The following PLIN2 variants were observed in gnomAD, a reference collection of about 807,000 sequenced individuals.
PLIN2 encodes the protein perilipin 2, also known as perilipin-2.
A neutral mutation model predicts 30.6 loss-of-function variants in PLIN2; 33 were observed. That is an observed-to-expected ratio of 1.08 (90% CI 0.82 to 1.44). The LOEUF (loss-of-function observed/expected upper bound fraction) is 1.44. Among genes scored for constraint, PLIN2 ranks in the 40% most tolerant of loss-of-function variants. The probability of loss-of-function intolerance (pLI) is 0.00; values close to 1 mark genes in which losing one functional copy is unlikely to be tolerated. For synonymous variants in PLIN2, 205 were observed against 201.1 expected (o/e 1.02, Z -0.16); for missense variants, 610 against 531.8 (o/e 1.15, Z -1.45).
Position 19,121,980 on chromosome 9 carries a change from G to A in PLIN2, c.310-815C>T, listed in dbSNP as rs112469875. Among the ~76,000 whole-genome samples, 264 of 151,510 alleles carry A rather than the reference G, an allele frequency of 1.7e-3. 1 individual carries two copies. Among genetic ancestry groups the A allele is most frequent in the African/African-American group, 6.0e-3 (247 of 41,324 alleles). On this transcript the variant is annotated intron_variant, in intron 4 of 7. Coordinates refer to ENST00000276914, the MANE Select transcript of PLIN2 (RefSeq NM_001122.4). ...AAAAATTAGCTGGGTGTGGCGGGGC[G>A]TGCCTGTGAACCCAGCTACTGGGGA...
chr9:19,112,705 C>CA (rs34857189), downstream of PLIN2, among the ~76,000 whole-genome samples: 1,230 of 68,096 alleles, frequency 0.018, 21 homozygotes, highest in African/African-American at 0.041. Flanking sequence ...GAGCCCATCT[C>CA]AAAAAAAAAA....
At chr9:19,110,969 T>A (rs1175208965), downstream of PLIN2, among the ~76,000 whole-genome samples, 1 of 152,160 alleles carries the variant, frequency 6.6e-6, no homozygotes. Context: ...GAGAAGAATC[T>A]CAGGCAATTC....
In PLIN2 at chr9:19,121,025, C is replaced by G; in HGVS notation, c.450G>C (p.Glu150Asp). 1 of 1,614,200 alleles carries G rather than the reference C, an allele frequency of 6.2e-7. No homozygotes were observed. Among genetic ancestry groups the G allele is most frequent in the African/African-American group, 1.3e-5 (1 of 75,054 alleles). ...KTKGAVTGSV[E>D]KTKSVVSGSI... Reference sequence around the variant, plus strand: ...TGCCACTGACCACAGACTTGGTCTTCTCCACACTGCCAGTCACTGCCCCTT... The same window carrying G: ...TGCCACTGACCACAGACTTGGTCTTGTCCACACTGCCAGTCACTGCCCCTT... The change falls in exon 5 of 8, where the codon GAG (glutamate) becomes GAC (aspartate). Residue 150 changes from glutamate (E) to aspartate (D), a missense_variant. Physicochemically the swap from Glu to Asp is conservative, Grantham distance 45. Coordinates refer to ENST00000276914, the MANE Select transcript of PLIN2 (RefSeq NM_001122.4).
chr9:19,111,956 C>T (rs951347373), downstream of PLIN2, among the ~76,000 whole-genome samples: 2 of 152,076 alleles, frequency 1.3e-5, no homozygotes, highest in Non-Finnish European at 2.9e-5. Flanking sequence ...TTTTCCTAAC[C>T]ATGAGCTGGT....
At chr9:19,123,749 G>A (rs568562422) in intron 3 of PLIN2, 102 bp from the exon 4 acceptor site, 19 of 918,076 alleles carry the variant, frequency 2.1e-5, no homozygotes, top group African/African-American at 1.3e-4. Flanking sequence ...GGCTGGGCAC[G>A]GTGGCTCACG....
In PLIN2 at chr9:19,116,172, G is replaced by T; in HGVS notation, c.*76C>A. ...GCTACTTGCTTCCCAATTTAGGGTT[G>T]CCTAGCAAGTTAATTTCAACATAAC... On this transcript the variant is annotated 3_prime_UTR_variant, in exon 8 of 8. Coordinates refer to ENST00000276914, the MANE Select transcript of PLIN2 (RefSeq NM_001122.4). 3.6e-6 allele frequency: 5 copies of T among 1,402,152 alleles called. No homozygotes were observed. Among genetic ancestry groups the T allele is most frequent in the Non-Finnish European group, 3.8e-6 (4 of 1,041,010 alleles). The allele number at this position is 1,402,152 out of a possible 1,614,324, so 86.9% of individuals were successfully genotyped here. A position where few individuals can be genotyped will look rare whatever the true frequency, so the allele number is the denominator to read the frequency against.
At chr9:19,119,900 A>G (rs895432010) in intron 5 of PLIN2, 69 bp from the exon 6 acceptor site, 7 of 1,012,838 alleles carry the variant, frequency 6.9e-6, no homozygotes, top group Admixed American at 2.3e-5. Flanking sequence ...CCTGGACTCT[A>G]ACCTGGGTCT....
At chr9:19,124,133 A>G (rs1818361976) in intron 3 of PLIN2, among the ~76,000 whole-genome samples, 1 of 151,930 alleles carries the variant, frequency 6.6e-6, no homozygotes, top group Non-Finnish European at 1.5e-5. Flanking sequence ...TTCTAAAGGT[A>G]AGGAAATATG....
At chr9:19,115,201 T>A (rs1818203373), downstream of PLIN2, among the ~76,000 whole-genome samples, 1 of 152,228 alleles carries the variant, frequency 6.6e-6, no homozygotes, top group Non-Finnish European at 1.5e-5. Flanking sequence ...GAGGGCCAAC[T>A]GTCACCTAGT....
chr9:19,110,201 A>AT (rs1386234480), intron 2 of PLIN2, among the ~76,000 whole-genome samples: 1 of 151,256 alleles, frequency 6.6e-6, no homozygotes, highest in Non-Finnish European at 1.5e-5. Flanking sequence ...TAATTTTTGT[A>AT]TTTTTTAGTA....
chr9:19,120,051 C>G (rs532054315), intron 5 of PLIN2, among the ~76,000 whole-genome samples: 8 of 152,076 alleles, frequency 5.3e-5, no homozygotes, highest in Admixed American at 3.3e-4. Flanking sequence ...GTTTCTCCCA[C>G]TAGAGTAAAC....
intron 2 of PLIN2, among the ~76,000 whole-genome samples, chr9:19,109,837 T>A (rs1388430529): frequency 6.7e-6 from 1 of 149,780 alleles, no homozygotes; most frequent in Non-Finnish European, 1.5e-5. Flanking sequence ...ATGACTGTAA[T>A]CCCAGCTACT....
At chr9:19,112,816 G>T (rs1433260150), downstream of PLIN2, among the ~76,000 whole-genome samples, 1 of 151,820 alleles carries the variant, frequency 6.6e-6, no homozygotes, top group East Asian at 1.9e-4. Context: ...GCAAAACCAT[G>T]ACCAATGTGC....
chr9:19,126,113 C>T lies in PLIN2; in HGVS notation c.226+1G>A, dbSNP rs1318873989. ...TTGCATCTTGAAAAATCAGAACTCA[C>T]TTTGCGGCTCTAGCTTCTGGATGAT... On this transcript the variant is annotated splice_donor_variant, in intron 3 of 7. Coordinates refer to ENST00000276914, the MANE Select transcript of PLIN2 (RefSeq NM_001122.4). LOFTEE classifies it high-confidence loss of function. 6.2e-7 allele frequency: 1 copy of T among 1,612,908 alleles called. No homozygotes were observed. Among genetic ancestry groups the T allele is most frequent in the Non-Finnish European group, 8.5e-7 (1 of 1,179,092 alleles).
At chr9:19,120,443 G>C (rs2131180541) in intron 5 of PLIN2, among the ~76,000 whole-genome samples, 1 of 152,204 alleles carries the variant, frequency 6.6e-6, no homozygotes, top group Non-Finnish European at 1.5e-5. Flanking sequence ...ATCCATTAAA[G>C]ACTATCCATT....
chr9:19,124,175 G>A (rs1005500247), intron 3 of PLIN2, among the ~76,000 whole-genome samples: 1 of 152,154 alleles, frequency 6.6e-6, no homozygotes, highest in African/African-American at 2.4e-5. Flanking sequence ...CAGAGGCAGT[G>A]ACAGGCCAAA....
downstream of PLIN2, among the ~76,000 whole-genome samples, chr9:19,115,560 G>A (rs1424857420): frequency 1.3e-5 from 2 of 152,050 alleles, no homozygotes; most frequent in East Asian, 3.9e-4. Context: ...GCCCACCTCA[G>A]CCTCCCAAAG....
At position 19,120,895 on chromosome 9, in the gene PLIN2, T is replaced by A; in HGVS notation, c.580A>T (p.Thr194Ser). 6.2e-7 allele frequency: 1 copy of A among 1,613,652 alleles called. No homozygotes were observed. Among genetic ancestry groups the A allele is most frequent in the Non-Finnish European group, 8.5e-7 (1 of 1,179,534 alleles). Residue 194 changes from threonine (T) to serine (S), a missense_variant, in exon 5 of 8, where the codon ACT (threonine) becomes TCT (serine). Transcript: ENST00000276914. Reference sequence around the variant, plus strand: ...TTCCAGTTACCTAGTTCTTCCTCAGTGAGAGGGAGGTACTGTTCTACCAAC... The same window carrying A: ...TTCCAGTTACCTAGTTCTTCCTCAGAGAGAGGGAGGTACTGTTCTACCAAC... ...ELLVEQYLPL[T>S]EEELEKEAKK...
At chr9:19,121,861 G>A (rs1445538230) in intron 4 of PLIN2, among the ~76,000 whole-genome samples, 1 of 152,204 alleles carries the variant, frequency 6.6e-6, no homozygotes, top group African/African-American at 2.4e-5. Context: ...AACCCCAGAG[G>A]TGGAGGTTGC....
Sources: gnomAD v4.1 joint callset for allele counts (sites outside exome capture counted in the v4.1 genomes callset) on GRCh38, gnomAD v4.1.1 for gene constraint, MANE v1.5 for transcripts, NCBI Gene and HGNC (gene_info 2026-07-23, HGNC 2026-07-21) for gene names.